The following NTM variants were observed in gnomAD, a reference collection of about 807,000 sequenced individuals.
NTM encodes neurotrimin, also known as IgLON family member 2.
A neutral mutation model predicts 42.1 loss-of-function variants in NTM; 13 were observed. The ratio of observed to expected loss-of-function variants is 0.31; its 90% confidence interval spans 0.20 to 0.49. The LOEUF (loss-of-function observed/expected upper bound fraction) is 0.49, where lower values mean the gene tolerates loss of function less well. Among genes scored for constraint, NTM ranks in the 20% least tolerant of loss-of-function variants. The probability of loss-of-function intolerance (pLI) is 0.99; values close to 1 mark genes in which losing one functional copy is unlikely to be tolerated. For synonymous variants in NTM, 187 were observed against 179.2 expected (o/e 1.04, Z -0.35); for missense variants, 373 against 452.8 (o/e 0.82, Z 1.60).
At chr11:131,537,084 C>T (rs1264579551) in intron 1 of NTM, 1 of 151,586 alleles carries the variant, frequency 6.6e-6, no homozygotes, top group East Asian at 1.9e-4. Flanking sequence ...CGAGGCACTG[C>T]AGACCTTGAG....
chr11:132,054,702 G>T (rs1327133837), intron 2 of NTM, among the ~76,000 whole-genome samples: 1 of 152,196 alleles, frequency 6.6e-6, no homozygotes, highest in Non-Finnish European at 1.5e-5. Flanking sequence ...AGGGGCAGCA[G>T]GGGATATACT....
intron 3 of NTM, among the ~76,000 whole-genome samples, chr11:132,167,542 G>T (rs1436165877): frequency 6.6e-6 from 1 of 152,180 alleles, no homozygotes; most frequent in Non-Finnish European, 1.5e-5. Context: ...CATTATAAAT[G>T]AGTTCATTCC....
At chr11:132,328,656 A>G (rs1358099300) in intron 7 of NTM, among the ~76,000 whole-genome samples, 1 of 151,952 alleles carries the variant, frequency 6.6e-6, no homozygotes, top group Non-Finnish European at 1.5e-5. Context: ...GCCCCCCAAA[A>G]CTGCTTGTGG....
chr11:132,200,564 C>T (rs1396807074), intron 3 of NTM, among the ~76,000 whole-genome samples: 1 of 152,182 alleles, frequency 6.6e-6, no homozygotes, highest in Non-Finnish European at 1.5e-5. Context: ...AGTTTTATAG[C>T]TTGTGTTTGA....
At chr11:131,837,113 C>T (rs139002793) in intron 1 of NTM, among the ~76,000 whole-genome samples, 2,038 of 152,268 alleles carry the variant, frequency 0.013, 18 homozygotes, top group Non-Finnish European at 0.019. Context: ...CAAGTACATA[C>T]GTATTAACAT....
chr11:132,162,620 AGTGT>A (rs2074550671), intron 3 of NTM, among the ~76,000 whole-genome samples: 1 of 109,540 alleles, frequency 9.1e-6, no homozygotes, highest in Non-Finnish European at 1.9e-5. Flanking sequence ...GACATGTGTG[AGTGT>A]GTGTATGTGT....
At chr11:132,307,605 C>A in intron 4 of NTM, 84 bp from the exon 5 acceptor site, 1 of 1,568,026 alleles carries the variant, frequency 6.4e-7, no homozygotes, top group Non-Finnish European at 8.7e-7. Flanking sequence ...GCAGACATAA[C>A]CATTTTATAC....
At position 131,725,766 on chromosome 11, in the gene NTM, GCTGAAGAAGGACAGAAT is replaced by G. The variant is rs913272075; in HGVS notation, c.83-185793_83-185777del. 5.9e-5 allele frequency among the ~76,000 whole-genome samples: 9 copies of G among 152,310 alleles called. No homozygotes were observed. The East Asian group carries it at 1.4e-3, about 23-fold the overall frequency. On this transcript the variant is annotated intron_variant, in intron 1 of 8. Transcript: ENST00000683400. Reference sequence around the variant, plus strand: ...ATGGGAACACACTGGATGGTGTTGAGCTGAAGAAGGACAGAATCTGACTCTCATTCTAACAAGATGCC... The same window carrying G: ...ATGGGAACACACTGGATGGTGTTGAGCTGACTCTCATTCTAACAAGATGCC...
At chr11:131,876,414 C>T (rs1314225379) in intron 1 of NTM, among the ~76,000 whole-genome samples, 1 of 152,204 alleles carries the variant, frequency 6.6e-6, no homozygotes, top group Non-Finnish European at 1.5e-5. Context: ...AGTGGATTAT[C>T]CATAACCAAT....
chr11:131,396,570 T>C (rs890130778), intron 1 of NTM, among the ~76,000 whole-genome samples: 9 of 152,232 alleles, frequency 5.9e-5, no homozygotes, highest in Non-Finnish European at 2.9e-5. Flanking sequence ...GGCTCACACC[T>C]GTAATCCCAG....
chr11:132,084,905 C>T (rs1185801449), intron 2 of NTM, among the ~76,000 whole-genome samples: 1 of 152,192 alleles, frequency 6.6e-6, no homozygotes, highest in Non-Finnish European at 1.5e-5. Context: ...ATAGAAAATT[C>T]TATGCAATCT....
chr11:131,931,041 C>T (rs1399119919), intron 2 of NTM, among the ~76,000 whole-genome samples: 2 of 152,064 alleles, frequency 1.3e-5, no homozygotes, highest in Non-Finnish European at 2.9e-5. Flanking sequence ...GTGTTCATAA[C>T]GTTTCTGCGT....
chr11:132,057,662 G>T (rs952338706), intron 2 of NTM, among the ~76,000 whole-genome samples: 1 of 152,138 alleles, frequency 6.6e-6, no homozygotes. Context: ...CTCTGGAGGG[G>T]ACACTGCAGA....
chr11:131,410,839 C>G (rs903889089), intron 1 of NTM, among the ~76,000 whole-genome samples: 1 of 152,060 alleles, frequency 6.6e-6, no homozygotes, highest in Non-Finnish European at 1.5e-5. Context: ...TCCTACTGCT[C>G]GAGGGCATCA....
At chr11:131,695,075 A>G (rs890411002) in intron 1 of NTM, among the ~76,000 whole-genome samples, 7 of 152,170 alleles carry the variant, frequency 4.6e-5, no homozygotes, top group Non-Finnish European at 8.8e-5. Flanking sequence ...GCTGTCTGCC[A>G]GGGGAAACGC....
At chr11:131,790,101 G>T (rs2090715863) in intron 1 of NTM, among the ~76,000 whole-genome samples, 1 of 151,470 alleles carries the variant, frequency 6.6e-6, no homozygotes, top group African/African-American at 2.4e-5. Context: ...TCAAAGTACA[G>T]ATTAAAAGGA....
At chr11:131,679,134 A>G (rs1263543404) in intron 1 of NTM, among the ~76,000 whole-genome samples, 1 of 152,106 alleles carries the variant, frequency 6.6e-6, no homozygotes, top group East Asian at 1.9e-4. Flanking sequence ...CGTTTGCTCC[A>G]TGATCTGCTC....
At chr11:131,711,901 A>G (rs201195953) in intron 1 of NTM, among the ~76,000 whole-genome samples, 2 of 146,218 alleles carry the variant, frequency 1.4e-5, no homozygotes, top group African/African-American at 2.5e-5. Context: ...CAAACACCGC[A>G]TGTTCTCACT....
intron 1 of NTM, chr11:131,877,698 C>T (rs1392226442): frequency 6.6e-6 from 1 of 152,196 alleles, no homozygotes; most frequent in African/African-American, 2.4e-5. Context: ...ATTTATTACT[C>T]ATCTTGATGA....
Sources: allele counts gnomAD v4.1 joint callset (sites outside exome capture counted in the v4.1 genomes callset), GRCh38; gene constraint gnomAD v4.1.1; transcripts MANE v1.5; gene names NCBI Gene and HGNC (gene_info 2026-07-23, HGNC 2026-07-21).